RNF32: variants seen among roughly 807,000 people sequenced by gnomAD.
RNF32 encodes ring finger protein 32.
A neutral mutation model predicts 41.0 loss-of-function variants in RNF32; 36 were observed. The observed-to-expected ratio is 0.88, with a 90% CI of 0.67 to 1.16. The LOEUF (loss-of-function observed/expected upper bound fraction) is 1.16. RNF32 is among the 50% of genes most tolerant of loss of function. The pLI is 0.00. For missense variants in RNF32, 413 were observed against 436.7 expected (o/e 0.95, Z 0.48); for synonymous variants, 154 against 160.9 (o/e 0.96, Z 0.32).
chr7:156,648,449 T>C (rs1294156968), intron 3 of RNF32, among the ~76,000 whole-genome samples: 6 of 152,198 alleles, frequency 3.9e-5, no homozygotes, highest in Non-Finnish European at 8.8e-5. Context: ...TGTACCTGTA[T>C]GGTTTATGTA....
chr7:156,666,837 T>C (rs1414340688), intron 7 of RNF32, among the ~76,000 whole-genome samples: 1 of 152,210 alleles, frequency 6.6e-6, no homozygotes, highest in Non-Finnish European at 1.5e-5. Flanking sequence ...TGCTAGCATA[T>C]GTCATATGAT....
chr7:156,655,014 G>C (rs2108794), intron 4 of RNF32: 1 of 218,060 alleles, frequency 4.6e-6, no homozygotes, highest in African/African-American at 2.3e-5. Context: ...GGCTTCCCAG[G>C]AGCAGCTGTG....
chr7:156,671,132 A>C (rs1172099741), intron 7 of RNF32, among the ~76,000 whole-genome samples: 4 of 152,380 alleles, frequency 2.6e-5, no homozygotes, highest in East Asian at 1.9e-4. Context: ...TTAACCTTCA[A>C]AACAGTAAAG....
At chr7:156,673,416 G>A (rs865969301) in intron 7 of RNF32, among the ~76,000 whole-genome samples, 4 of 152,160 alleles carry the variant, frequency 2.6e-5, no homozygotes, top group Admixed American at 6.5e-5. Flanking sequence ...GATATTATTA[G>A]ATATTTGAAA....
intron 3 of RNF32, among the ~76,000 whole-genome samples, chr7:156,649,372 CCT>C (rs1001294319): frequency 1.3e-5 from 2 of 151,958 alleles, no homozygotes; most frequent in Non-Finnish European, 2.9e-5. Flanking sequence ...ATTGTCTGTG[CCT>C]CTCTACTTTT....
chr7:156,642,515 C>A (rs565579995), intron 1 of RNF32, among the ~76,000 whole-genome samples: 1 of 152,376 alleles, frequency 6.6e-6, no homozygotes, highest in African/African-American at 2.4e-5. Flanking sequence ...CTGGGCCTTT[C>A]TTACTGCATC....
At chr7:156,661,445 G>C (rs554797067) in intron 7 of RNF32, among the ~76,000 whole-genome samples, 1 of 151,860 alleles carries the variant, frequency 6.6e-6, no homozygotes, top group South Asian at 2.1e-4. Context: ...TCAACCTCTT[G>C]AGTAGCTGGG....
intron 3 of RNF32, among the ~76,000 whole-genome samples, chr7:156,652,955 A>G (rs2131425022): frequency 6.6e-6 from 1 of 152,290 alleles, no homozygotes; most frequent in South Asian, 2.1e-4. Context: ...TTAGAGAGTA[A>G]AAAAGTTATA....
rs1803084461 is a variant in RNF32 at position 156,673,575 on chromosome 7, G to A, written c.685-2121G>A. The stretch of plus-strand genomic sequence containing the variant: ...TAAATAGAAAAGCAGCTTCCACCAG[G>A]CTTCCAAGTACGGCTAATCCCAAAA... On this transcript the variant is annotated intron_variant, in intron 7 of 8. Coordinates refer to ENST00000317955, the MANE Select transcript of RNF32 (RefSeq NM_030936.4). Among the ~76,000 whole-genome samples the A allele has an allele frequency of 2.6e-5, 4 of 152,208 alleles. No individual in the cohort carries two copies. In the South Asian group the frequency reaches 8.3e-4, roughly 32 times the overall value.
intron 3 of RNF32, among the ~76,000 whole-genome samples, chr7:156,650,584 C>G (rs1798584685): frequency 6.6e-6 from 1 of 152,180 alleles, no homozygotes; most frequent in African/African-American, 2.4e-5. Context: ...GTTCTAAGGT[C>G]TTGATTAGTT....
intron 3 of RNF32, among the ~76,000 whole-genome samples, chr7:156,651,308 G>A (rs1417243304): frequency 3.3e-5 from 5 of 151,312 alleles, no homozygotes; most frequent in Non-Finnish European, 2.9e-5. Flanking sequence ...CCACCTCCCG[G>A]GTTCAAGCGA....
intron 1 of RNF32, among the ~76,000 whole-genome samples, chr7:156,642,361 TATC>T (rs1409093710): frequency 1.3e-5 from 2 of 152,162 alleles, no homozygotes; most frequent in Admixed American, 1.3e-4. Flanking sequence ...ATTTAAGAAA[TATC>T]ATTACCCAAT....
At chr7:156,654,778 C>T in intron 4 of RNF32, 60 bp downstream of exon 4, 1 of 1,509,110 alleles carries the variant, frequency 6.6e-7, no homozygotes, top group Non-Finnish European at 9.1e-7. Flanking sequence ...GGACGAGGCC[C>T]AGAGCTGGAG....
intron 3 of RNF32, among the ~76,000 whole-genome samples, chr7:156,653,707 GTGA>G (rs754879725): frequency 1.3e-5 from 2 of 152,226 alleles, no homozygotes; most frequent in East Asian, 1.9e-4. Context: ...CTTTTTCAAA[GTGA>G]GTGTTTCCCA....
rs1803368267 is a variant in RNF32, at chr7:156,674,580, A to G, written c.685-1116A>G. Reference sequence around the variant, plus strand: ...ACTCTGTAATGACTCAGACCTTTCTAGTGTAGGATGGCTTGAGCCCGGGAG... The same window carrying G: ...ACTCTGTAATGACTCAGACCTTTCTGGTGTAGGATGGCTTGAGCCCGGGAG... On this transcript the variant is annotated intron_variant, in intron 7 of 8. Coordinates refer to ENST00000317955, the MANE Select transcript of RNF32 (RefSeq NM_030936.4). Among the ~76,000 whole-genome samples the G allele has an allele frequency of 2.0e-5, 3 of 152,166 alleles. No homozygotes were observed. In the South Asian group the frequency reaches 6.2e-4, roughly 32 times the overall value.
chr7:156,651,054 A>G (rs1251860247), intron 3 of RNF32, among the ~76,000 whole-genome samples: 1 of 152,110 alleles, frequency 6.6e-6, no homozygotes, highest in Non-Finnish European at 1.5e-5. Context: ...TAGCTGCTTG[A>G]TTCTTATCAG....
intron 3 of RNF32, among the ~76,000 whole-genome samples, chr7:156,649,094 A>C (rs1196896901): frequency 2.0e-5 from 3 of 151,630 alleles, no homozygotes; most frequent in African/African-American, 7.3e-5. Flanking sequence ...TCAGTATTGC[A>C]CTGTTTTGAT....
intron 8 of RNF32, among the ~76,000 whole-genome samples, 179 bp downstream of exon 8, chr7:156,676,042 G>C (rs1382346136): frequency 6.6e-6 from 1 of 151,776 alleles, no homozygotes. Context: ...GACTCACTTT[G>C]GGAAGCCTAG....
chr7:156,640,263 CG>C (rs1563059773), upstream of RNF32: 1 of 447,208 alleles, frequency 2.2e-6, no homozygotes, highest in Non-Finnish European at 4.5e-6. Context: ...AGCGAAGGGG[CG>C]GTGCGCTCGA....
Sources: gnomAD v4.1 joint callset for allele counts (sites outside exome capture counted in the v4.1 genomes callset) on GRCh38, gnomAD v4.1.1 for gene constraint, MANE v1.5 for transcripts, NCBI Gene and HGNC (gene_info 2026-07-23, HGNC 2026-07-21) for gene names.